Variants in DYNC1I2 observed in about 807,000 individuals in gnomAD.
DYNC1I2 encodes the protein dynein cytoplasmic 1 intermediate chain 2.
A neutral mutation model predicts 88.6 loss-of-function variants in DYNC1I2; 53 were observed. That is an observed-to-expected ratio of 0.60 (90% CI 0.48 to 0.75). DYNC1I2 has a LOEUF of 0.75. DYNC1I2 is among the 30% of genes least tolerant of loss of function. The pLI is 0.00. For missense variants in DYNC1I2, 458 were observed against 766.6 expected, an observed-to-expected ratio of 0.60 and a Z score of 4.75; for synonymous variants, 198 against 254.6, an observed-to-expected ratio of 0.78 and a Z score of 2.12.
rs767868684 is a variant in DYNC1I2, at chr2:171,725,604, T to TGG, written c.512-14_512-13insGG. 2.1e-6 allele frequency: 3 copies of TGG among 1,405,504 alleles called. No individual in the cohort carries two copies. The highest frequency in any genetic ancestry group is 2.8e-6 in the Non-Finnish European group (3 of 1,061,900). 87.1% of individuals were successfully genotyped at this position (1,405,504 alleles called of 1,614,324 possible). A position where few individuals can be genotyped will look rare whatever the true frequency, so the allele number is the denominator to read the frequency against. ...TTTTTTTGTTTTTTTGTTTGTTTTT[T>TGG]TTTTTTTTTTCAGATGAAGAGGAAG... On this transcript the variant is annotated splice_polypyrimidine_tract_variant and intron_variant, in intron 7 of 17. Coordinates refer to ENST00000397119, the MANE Select transcript of DYNC1I2 (RefSeq NM_001378.3).
At chr2:171,720,119 C>G (rs957817981) in intron 7 of DYNC1I2, among the ~76,000 whole-genome samples, 1 of 149,768 alleles carries the variant, frequency 6.7e-6, no homozygotes, top group Non-Finnish European at 1.5e-5. Flanking sequence ...CTTGTTTACT[C>G]TGAGGAAACT....
intron 10 of DYNC1I2, 52 bp from the exon 11 acceptor site, chr2:171,726,739 A>C: frequency 6.3e-7 from 1 of 1,598,238 alleles, no homozygotes; most frequent in Admixed American, 1.7e-5. Context: ...AGGATTATAA[A>C]ACAGTTCTTA....
intron 15 of DYNC1I2, 49 bp downstream of exon 15, chr2:171,729,902 G>A (rs1280707943): frequency 6.2e-7 from 1 of 1,600,900 alleles, no homozygotes; most frequent in South Asian, 1.1e-5. Flanking sequence ...CTGACACAAG[G>A]TGGTGATCTA....
intron 5 of DYNC1I2, 29 bp from the exon 6 acceptor site, chr2:171,712,738 T>G: frequency 6.3e-7 from 1 of 1,585,794 alleles, no homozygotes; most frequent in Non-Finnish European, 8.6e-7. Context: ...TTTTTGCTAA[T>G]GCTTCATGGT....
chr2:171,733,807 C>A (rs572811868), intron 15 of DYNC1I2, among the ~76,000 whole-genome samples: 1 of 150,202 alleles, frequency 6.7e-6, no homozygotes, highest in African/African-American at 2.5e-5. Context: ...TTAATTGGAT[C>A]CCATTCGTCA....
At chr2:171,692,745 G>A (rs1306290723) in intron 2 of DYNC1I2, 32 bp from the exon 3 acceptor site, 1 of 1,495,054 alleles carries the variant, frequency 6.7e-7, no homozygotes, top group Non-Finnish European at 9.1e-7. Context: ...CATACTATAT[G>A]TAAACATAAG....
intron 3 of DYNC1I2, among the ~76,000 whole-genome samples, chr2:171,705,139 A>T (rs898960102): frequency 2.6e-5 from 4 of 152,164 alleles, no homozygotes; most frequent in Non-Finnish European, 4.4e-5. Flanking sequence ...ATATGGTAGC[A>T]TCACCCTTTT....
chr2:171,723,668 A>G (rs960458648), intron 7 of DYNC1I2, among the ~76,000 whole-genome samples: 2 of 152,166 alleles, frequency 1.3e-5, no homozygotes, highest in African/African-American at 4.8e-5. Context: ...TGCCCCAAAA[A>G]GCTTTCATTT....
chr2:171,726,572 A>G (rs1559393074), intron 10 of DYNC1I2: 4 of 593,324 alleles, frequency 6.7e-6, no homozygotes, highest in African/African-American at 3.8e-5. Flanking sequence ...CACATATTTT[A>G]ATTAAATGTT....
chr2:171,702,074 T>C (rs1436226462), intron 3 of DYNC1I2, among the ~76,000 whole-genome samples: 1 of 152,250 alleles, frequency 6.6e-6, no homozygotes, highest in Non-Finnish European at 1.5e-5. Flanking sequence ...TTCAATAATG[T>C]GTAGGCATGT....
At chr2:171,704,599 T>A (rs1686532483) in intron 3 of DYNC1I2, among the ~76,000 whole-genome samples, 1 of 152,178 alleles carries the variant, frequency 6.6e-6, no homozygotes, top group Admixed American at 6.5e-5. Context: ...ATGGTTTATG[T>A]TATTTTCAAG....
At chr2:171,739,155 T>A (rs951562630) in intron 15 of DYNC1I2, among the ~76,000 whole-genome samples, 1 of 150,696 alleles carries the variant, frequency 6.6e-6, no homozygotes, top group Non-Finnish European at 1.5e-5. Context: ...CTTCATTTGG[T>A]GGTGTTATCA....
At chr2:171,727,408 T>C (rs1209629007) in intron 11 of DYNC1I2, among the ~76,000 whole-genome samples, 2 of 152,158 alleles carry the variant, frequency 1.3e-5, no homozygotes, top group African/African-American at 4.8e-5. Flanking sequence ...AAGCCTTTTC[T>C]GATTGCATAA....
chr2:171,708,063 T>TCACACACA (rs67204676), intron 5 of DYNC1I2, among the ~76,000 whole-genome samples: 6,549 of 147,618 alleles, frequency 0.044, 199 homozygotes, highest in Admixed American at 0.073. Flanking sequence ...CCTCTTTGTC[T>TCACACACA]CTCTCACACA....
At chr2:171,690,331 A>G in intron 2 of DYNC1I2, 68 bp downstream of exon 2, 1 of 1,168,832 alleles carries the variant, frequency 8.6e-7, no homozygotes, top group Non-Finnish European at 1.2e-6. Context: ...ATATTTATAT[A>G]TTTACATATA....
At chr2:171,727,694 AGTT>A (rs1264392763) in intron 11 of DYNC1I2, 124 bp from the exon 12 acceptor site, 1 of 628,408 alleles carries the variant, frequency 1.6e-6, no homozygotes, top group Admixed American at 3.9e-5. Flanking sequence ...TAATTTACTT[AGTT>A]GTTTTTATAA....
intron 7 of DYNC1I2, among the ~76,000 whole-genome samples, chr2:171,720,968 C>T (rs1011788396): frequency 4.6e-5 from 7 of 151,106 alleles, no homozygotes; most frequent in Non-Finnish European, 5.9e-5. Flanking sequence ...GCTAATACTG[C>T]GAAAATAAAA....
At chr2:171,730,403 T>A (rs1688529573) in intron 15 of DYNC1I2, among the ~76,000 whole-genome samples, 1 of 152,248 alleles carries the variant, frequency 6.6e-6, no homozygotes, top group African/African-American at 2.4e-5. Context: ...GATAAGCAGT[T>A]TAAATCATTT....
At chr2:171,702,315 C>T (rs998292281) in intron 3 of DYNC1I2, among the ~76,000 whole-genome samples, 1 of 152,098 alleles carries the variant, frequency 6.6e-6, no homozygotes, top group Non-Finnish European at 1.5e-5. Flanking sequence ...ATAATGGAAC[C>T]TGTGAAGGGT....
Sources: allele counts gnomAD v4.1 joint callset (sites outside exome capture counted in the v4.1 genomes callset), GRCh38; gene constraint gnomAD v4.1.1; transcripts MANE v1.5; gene names NCBI Gene and HGNC (gene_info 2026-07-23, HGNC 2026-07-21).